SEMA3C: variants seen among roughly 807,000 people sequenced by gnomAD.
SEMA3C encodes the protein semaphorin-3C.
Under a neutral mutation model 89.4 loss-of-function variants are expected in SEMA3C, and 47 were observed. The observed-to-expected ratio is 0.53, with a 90% CI of 0.42 to 0.67. The LOEUF (loss-of-function observed/expected upper bound fraction) is 0.67, where lower values mean the gene tolerates loss of function less well. Ranked by LOEUF, SEMA3C falls within the 30% of genes least tolerant of loss-of-function variation. The probability of loss-of-function intolerance (pLI) is 0.00; values close to 1 mark genes in which losing one functional copy is unlikely to be tolerated. For synonymous variants in SEMA3C, 310 were observed against 320.2 expected (o/e 0.97, Z 0.34); for missense variants, 839 against 929.1 (o/e 0.90, Z 1.26).
At chr7:80,899,445 A>G (rs759948729) in intron 2 of SEMA3C, among the ~76,000 whole-genome samples, 14 of 152,212 alleles carry the variant, frequency 9.2e-5, no homozygotes, top group Non-Finnish European at 1.3e-4. Context: ...GAAAGATATG[A>G]TATACACCTT....
At chr7:80,809,934 G>C (rs1355506931) in intron 6 of SEMA3C, among the ~76,000 whole-genome samples, 1 of 151,886 alleles carries the variant, frequency 6.6e-6, no homozygotes, top group Admixed American at 6.6e-5. Flanking sequence ...AGGGTAGAAA[G>C]GTTAATTATC....
upstream of SEMA3C, chr7:80,922,214 G>A: frequency 7.9e-7 from 1 of 1,272,398 alleles, no homozygotes; most frequent in South Asian, 1.2e-5. Flanking sequence ...ACTCAAGCGT[G>A]ATTGCCGTAA....
Position 80,810,700 on chromosome 7 carries a change from T to A in SEMA3C, c.449A>T (p.Asp150Val). The change falls in exon 6 of 18, where the codon GAC (aspartate) becomes GTC (valine). Residue 150 changes from aspartate (D) to valine (V), a missense_variant and splice_region_variant. Transcript: ENST00000265361. ...CTTGGAGTCAATCATGAAAACTTGGTCCTTTATTGTAGATAAAATTTAAAA... is the reference window on the plus strand; with the variant it reads ...CTTGGAGTCAATCATGAAAACTTGGACCTTTATTGTAGATAAAATTTAAAA... ...TYLNRGRRSE[D>V]QVFMIDSKCE... 6.2e-7 allele frequency: 1 copy of A among 1,611,968 alleles called. No homozygotes were observed. The highest frequency in any genetic ancestry group is 8.5e-7 in the Non-Finnish European group (1 of 1,178,412).
In SEMA3C at chr7:80,753,187, A is replaced by T. The variant is rs142145253; in HGVS notation, c.1644-1851T>A. ...CCGATTGTGTATTTCTGTACACACGAAAACAGTGAAAGTGTTAGCCACTTT... is the reference window on the plus strand; with the variant it reads ...CCGATTGTGTATTTCTGTACACACGTAAACAGTGAAAGTGTTAGCCACTTT... On this transcript the variant is annotated intron_variant, in intron 15 of 17. Coordinates refer to ENST00000265361, the MANE Select transcript of SEMA3C (RefSeq NM_006379.5). 3.9e-5 allele frequency among the ~76,000 whole-genome samples: 6 copies of T among 152,326 alleles called. No individual in the cohort carries two copies. The South Asian group carries it at 1.2e-3, about 32-fold the overall frequency.
At chr7:80,900,440 A>T (rs1791851294) in intron 2 of SEMA3C, among the ~76,000 whole-genome samples, 1 of 152,166 alleles carries the variant, frequency 6.6e-6, no homozygotes, top group Non-Finnish European at 1.5e-5. Context: ...ACTGTGTGTC[A>T]CATCTTGATA....
At chr7:80,905,909 G>C in intron 2 of SEMA3C, 1 of 1,288,760 alleles carries the variant, frequency 7.8e-7, no homozygotes, top group Non-Finnish European at 1.0e-6. Context: ...CATTGTACAA[G>C]GTAGGCTCTG....
chr7:80,839,810 T>C (rs1790221251), intron 2 of SEMA3C, among the ~76,000 whole-genome samples: 1 of 151,916 alleles, frequency 6.6e-6, no homozygotes, highest in Admixed American at 6.6e-5. Flanking sequence ...GAGAATCTAA[T>C]AGACGCCATT....
At chr7:80,898,393 T>C (rs1005123925) in intron 2 of SEMA3C, among the ~76,000 whole-genome samples, 7 of 151,500 alleles carry the variant, frequency 4.6e-5, no homozygotes, top group Admixed American at 1.3e-4. Context: ...AACAGAAAAA[T>C]ATAAATCTAA....
chr7:80,798,253 A>G lies in SEMA3C; in HGVS notation c.987-17T>C. On this transcript the variant is annotated splice_polypyrimidine_tract_variant and intron_variant, in intron 10 of 17. Transcript: ENST00000265361. Reference sequence around the variant, plus strand: ...AAAACTGAGCTAAAAAAGAAAACAGAAAAAGGCATTTTCAAATTTTTAAAA... The same window carrying G: ...AAAACTGAGCTAAAAAAGAAAACAGGAAAAGGCATTTTCAAATTTTTAAAA... 1 of 1,410,086 alleles carries G rather than the reference A, an allele frequency of 7.1e-7. No individual in the cohort carries two copies. Among genetic ancestry groups the G allele is most frequent in the Non-Finnish European group, 9.3e-7 (1 of 1,074,796 alleles). 87.3% of individuals were successfully genotyped at this position (1,410,086 alleles called of 1,614,324 possible).
At chr7:80,823,323 T>C (rs767321608) in intron 4 of SEMA3C, among the ~76,000 whole-genome samples, 4 of 152,230 alleles carry the variant, frequency 2.6e-5, no homozygotes, top group Non-Finnish European at 4.4e-5. Flanking sequence ...AAAACCAAGA[T>C]GTACAGAAAG....
intron 2 of SEMA3C, among the ~76,000 whole-genome samples, chr7:80,903,826 A>T (rs1048834340): frequency 6.6e-6 from 1 of 152,198 alleles, no homozygotes; most frequent in Non-Finnish European, 1.5e-5. Flanking sequence ...GTAAAGAGCC[A>T]GAACCTGTTC....
At chr7:80,908,680 C>T (rs549338538) in intron 2 of SEMA3C, among the ~76,000 whole-genome samples, 16 of 152,184 alleles carry the variant, frequency 1.1e-4, no homozygotes, top group East Asian at 3.9e-4. Context: ...TTCCTTTTTG[C>T]GGGTTGCTAT....
chr7:80,744,633 GA>G lies in SEMA3C; in HGVS notation c.*260del, dbSNP rs1787756920. On this transcript the variant is annotated 3_prime_UTR_variant, in exon 18 of 18. Transcript: ENST00000265361. ...TTGCAGCCACCATATCGATTTTGAA[GA>G]AAAGGTGAATAAAGATATAAATAAA... 4.3e-6 allele frequency: 2 copies of G among 468,372 alleles called. No homozygotes were observed. Among genetic ancestry groups the G allele is most frequent in the Admixed American group, 7.9e-5 (2 of 25,374 alleles). 29.0% of individuals were successfully genotyped at this position (468,372 alleles called of 1,614,324 possible). A position where few individuals can be genotyped will look rare whatever the true frequency, so the allele number is the denominator to read the frequency against.
chr7:80,908,389 C>G (rs1047565745), intron 2 of SEMA3C, among the ~76,000 whole-genome samples: 4 of 152,104 alleles, frequency 2.6e-5, no homozygotes, highest in Admixed American at 1.3e-4. Flanking sequence ...GAGAAAAGGT[C>G]TTTTCTAATT....
At position 80,749,552 on chromosome 7, in the gene SEMA3C, C is replaced by CTG. The variant is rs973382139; in HGVS notation, c.1712-526_1712-525dup. On this transcript the variant is annotated intron_variant, in intron 16 of 17. Transcript: ENST00000265361. ...TGGTGGAATGTAGTGGTTGAGAACACTGTCTTTGGAATCAGAGGAACGTAG... is the reference window on the plus strand; with the variant it reads ...TGGTGGAATGTAGTGGTTGAGAACACTGTGTCTTTGGAATCAGAGGAACGTAG... 3.3e-5 allele frequency among the ~76,000 whole-genome samples: 5 copies of CTG among 152,290 alleles called. No individual in the cohort carries two copies. The East Asian group carries it at 7.7e-4, about 24-fold the overall frequency.
intron 2 of SEMA3C, among the ~76,000 whole-genome samples, chr7:80,849,126 A>T (rs1249868344): frequency 2.0e-5 from 3 of 152,178 alleles, no homozygotes; most frequent in Non-Finnish European, 2.9e-5. Context: ...AGCCTTAAGT[A>T]TGTCTACCTA....
At chr7:80,894,734 T>C (rs536286677) in intron 2 of SEMA3C, among the ~76,000 whole-genome samples, 1 of 152,104 alleles carries the variant, frequency 6.6e-6, no homozygotes, top group East Asian at 1.9e-4. Flanking sequence ...TCATAACTAT[T>C]TTTTTTAATG....
intron 2 of SEMA3C, among the ~76,000 whole-genome samples, chr7:80,904,534 C>T (rs759284126): frequency 1.3e-5 from 2 of 152,188 alleles, no homozygotes; most frequent in African/African-American, 2.4e-5. Flanking sequence ...TACCACTACA[C>T]TGATGATGAT....
In SEMA3C at chr7:80,903,539, A is replaced by T. The variant is rs558885227; in HGVS notation, c.103+13140T>A. 5.3e-5 allele frequency among the ~76,000 whole-genome samples: 8 copies of T among 152,174 alleles called. No homozygotes were observed. In the South Asian group the frequency reaches 1.7e-3, roughly 32 times the overall value. On this transcript the variant is annotated intron_variant, in intron 2 of 17. Transcript: ENST00000265361. The stretch of plus-strand genomic sequence containing the variant: ...TAGCCAGGCATGGTGGCACATGCCT[A>T]TATTTCCAGCTACTCAGGAGGCTGA...
Sources: gnomAD v4.1 joint callset for allele counts (sites outside exome capture counted in the v4.1 genomes callset) on GRCh38, gnomAD v4.1.1 for gene constraint, MANE v1.5 for transcripts, NCBI Gene and HGNC (gene_info 2026-07-23, HGNC 2026-07-21) for gene names.